The following HIF3A variants were observed in gnomAD, a reference collection of about 807,000 sequenced individuals.
The protein encoded by HIF3A is hypoxia-inducible factor 3-alpha.
A neutral mutation model predicts 67.2 loss-of-function variants in HIF3A; 41 were observed. That is an observed-to-expected ratio of 0.61 (90% CI 0.48 to 0.79). The LOEUF (loss-of-function observed/expected upper bound fraction) is 0.79, where lower values mean the gene tolerates loss of function less well. Among genes scored for constraint, HIF3A ranks in the 30% least tolerant of loss-of-function variants. The probability of loss-of-function intolerance (pLI) is 0.00; values close to 1 mark genes in which losing one functional copy is unlikely to be tolerated. For missense variants in HIF3A, 855 were observed against 898.0 expected, an observed-to-expected ratio of 0.95 and a Z score of 0.61; for synonymous variants, 356 against 374.8, an observed-to-expected ratio of 0.95 and a Z score of 0.58.
chr19:46,323,651 G>A (rs1171064872), intron 10 of HIF3A, among the ~76,000 whole-genome samples: 1 of 152,234 alleles, frequency 6.6e-6, no homozygotes, highest in East Asian at 1.9e-4. Context: ...TCACGCTGCT[G>A]CTAAAGACAT....
chr19:46,321,764 T>C lies in HIF3A; in HGVS notation c.1145-12T>C. ...CCAGCCCGTGTCCTCCCCATCTCCA[T>C]GTGTCCTGCAGACACCCCTGGCCCC... is the stretch of plus-strand genomic sequence containing the variant. On this transcript the variant is annotated splice_polypyrimidine_tract_variant and intron_variant, in intron 9 of 14. Coordinates refer to ENST00000377670, the MANE Select transcript of HIF3A (RefSeq NM_152795.4). 6.2e-7 allele frequency: 1 copy of C among 1,610,778 alleles called. No homozygotes were observed. The highest frequency in any genetic ancestry group is 8.5e-7 in the Non-Finnish European group (1 of 1,178,244).
chr19:46,320,484 C>T lies in HIF3A; in HGVS notation c.1067C>T (p.Thr356Met), dbSNP rs569551991. 39 of 1,614,128 alleles carry T rather than the reference C, an allele frequency of 2.4e-5. No individual in the cohort carries two copies. Among genetic ancestry groups the T allele is most frequent in the South Asian group, 9.9e-5 (9 of 91,082 alleles). ...GGAGTGGTGCTGTCCCTGGAGCAAACGGAGCAACACTCTCGCAGACCCATT... is the reference window on the plus strand; with the variant it reads ...GGAGTGGTGCTGTCCCTGGAGCAAATGGAGCAACACTCTCGCAGACCCATT... ...ETGVVLSLEQ[T>M]EQHSRRPIQR... Residue 356 changes from threonine (T) to methionine (M), a missense_variant, in exon 9 of 15, where the codon ACG becomes ATG. Around this residue, in one of 3 missense-constraint regions of HIF3A, gnomAD observed 638 missense variants for 660.5 expected, o/e 0.97. Transcript: ENST00000377670.
intron 10 of HIF3A, among the ~76,000 whole-genome samples, chr19:46,322,896 C>T (rs952162088): frequency 1.3e-5 from 2 of 152,244 alleles, no homozygotes; most frequent in South Asian, 2.1e-4. Flanking sequence ...GCTTCCATGC[C>T]GTCCCGGGCA....
At chr19:46,332,495 G>A (rs1017915623) in intron 13 of HIF3A, among the ~76,000 whole-genome samples, 9 of 152,148 alleles carry the variant, frequency 5.9e-5, no homozygotes, top group Admixed American at 1.3e-4. Flanking sequence ...AGCCATGATC[G>A]TGCCACTGCA....
At position 46,320,193 on chromosome 19, in the gene HIF3A, G is replaced by A. The variant is rs555408432; in HGVS notation, c.1026-250G>A. On this transcript the variant is annotated intron_variant, in intron 8 of 14. Coordinates refer to ENST00000377670, the MANE Select transcript of HIF3A (RefSeq NM_152795.4). ...TGCAGTGAGCCGAGATCGCGCCACT[G>A]CACTCCAGCCTGGGCGACAGAGTGA... 1.5e-4 allele frequency: 55 copies of A among 375,356 alleles called. 2 individuals carry two copies. The East Asian group carries it at 3.2e-3, about 22-fold the overall frequency. 23.3% of individuals were successfully genotyped at this position (375,356 alleles called of 1,614,324 possible).
rs763822130 is a variant in HIF3A, at chr19:46,312,173, G to A, written c.783G>A (p.Val261=). The change falls in exon 7 of 15, where the codon GTG becomes GTA. Residue 261 remains valine (V), a synonymous_variant. Coordinates refer to ENST00000377670, the MANE Select transcript of HIF3A (RefSeq NM_152795.4). Reference sequence around the variant, plus strand: ...GCCCCACCCCCAGGATTGCAGAAGTGGCTGGCTATAGTCCCGATGACCTGA... The same window carrying A: ...GCCCCACCCCCAGGATTGCAGAAGTAGCTGGCTATAGTCCCGATGACCTGA... ...FTYCDDRIAE[V]AGYSPDDLIG... is the part of the protein sequence containing the mutation. The A allele has an allele frequency of 1.2e-6, 2 of 1,614,024 alleles. No homozygotes were observed. The highest frequency in any genetic ancestry group is 2.2e-5 in the East Asian group (1 of 44,866).
chr19:46,309,681 TTCTGTC>T (rs1280626448), intron 6 of HIF3A, among the ~76,000 whole-genome samples: 8 of 152,138 alleles, frequency 5.3e-5, no homozygotes, highest in African/African-American at 1.9e-4. Context: ...TTCATTCTCT[TTCTGTC>T]TCTGAGTCTT....
chr19:46,309,151 G>T lies in HIF3A; in HGVS notation c.562G>T (p.Val188Leu), dbSNP rs770178353. The change falls in exon 6 of 15, where the codon GTG (valine) becomes TTG (leucine). Residue 188 changes from valine (V) to leucine (L), a missense_variant and splice_region_variant. Transcript: ENST00000377670. ...CTTGTCCCCTCATCTCGGCCCCCAGGTGCTGAACTGCTCTGGACATATGAG... is the reference window on the plus strand; with the variant it reads ...CTTGTCCCCTCATCTCGGCCCCCAGTTGCTGAACTGCTCTGGACATATGAG... ...TLNLKAATWK[V>L]LNCSGHMRAY... 4.3e-6 allele frequency: 7 copies of T among 1,613,020 alleles called. No individual in the cohort carries two copies. In the East Asian group the frequency reaches 1.6e-4, roughly 36 times the overall value.
intron 14 of HIF3A, among the ~76,000 whole-genome samples, chr19:46,337,149 G>T (rs546028159): frequency 6.6e-6 from 1 of 152,232 alleles, no homozygotes; most frequent in South Asian, 2.1e-4. Context: ...TGATAGCTGA[G>T]CAAAGACCTG....
At chr19:46,331,795 C>T (rs1971247089) in intron 13 of HIF3A, among the ~76,000 whole-genome samples, 1 of 140,028 alleles carries the variant, frequency 7.1e-6, no homozygotes, top group Non-Finnish European at 1.5e-5. Context: ...CAGAAGATTG[C>T]AGTGAGCTGA....
intron 13 of HIF3A, among the ~76,000 whole-genome samples, chr19:46,332,879 G>T (rs1278283919): frequency 6.6e-6 from 1 of 151,906 alleles, no homozygotes; most frequent in Non-Finnish European, 1.5e-5. Context: ...CTACTCGGAA[G>T]GCTAAGGCAC....
Position 46,308,496 on chromosome 19 carries a change from C to T in HIF3A, c.449-167C>T. The T allele has an allele frequency of 3.2e-6, 2 of 633,286 alleles. 1 individual carries two copies. Among genetic ancestry groups the T allele is most frequent in the South Asian group, 3.9e-5 (2 of 51,394 alleles). The allele number at this position is 633,286 out of a possible 1,614,324, so 39.2% of individuals were successfully genotyped here. ...GGGGGTCTGAGGGGACACAGCCCTGCCCTGGGGGGTCCAAGGGGACACATA... is the reference window on the plus strand; with the variant it reads ...GGGGGTCTGAGGGGACACAGCCCTGTCCTGGGGGGTCCAAGGGGACACATA... On this transcript the variant is annotated intron_variant, in intron 4 of 14. Coordinates refer to ENST00000377670, the MANE Select transcript of HIF3A (RefSeq NM_152795.4).
chr19:46,329,070 C>T, intron 11 of HIF3A, 137 bp from the exon 12 acceptor site: 1 of 778,614 alleles, frequency 1.3e-6, no homozygotes, highest in South Asian at 1.9e-5. Flanking sequence ...GTCCTTATAC[C>T]CATTTTACAG....
At chr19:46,335,178 G>T (rs1223214115) in intron 14 of HIF3A, among the ~76,000 whole-genome samples, 192 bp downstream of exon 14, 1 of 152,098 alleles carries the variant, frequency 6.6e-6, no homozygotes, top group African/African-American at 2.4e-5. Context: ...GGAGGCAGGG[G>T]CTCTCCAAGG....
intron 13 of HIF3A, among the ~76,000 whole-genome samples, chr19:46,334,290 C>T (rs924049323): frequency 1.2e-4 from 19 of 152,008 alleles, no homozygotes; most frequent in African/African-American, 4.6e-4. Context: ...TGGAGTTTCA[C>T]CATGTTGGCC....
Position 46,339,437 on chromosome 19 carries a change from A to C in HIF3A, c.1913-88A>C, listed in dbSNP as rs940064177. ...GTTCAATTTCCTTAAGATTTTAAAC[A>C]TTATTCCTGACATTGGGGTTATGGT... On this transcript the variant is annotated intron_variant, in intron 14 of 14. Transcript: ENST00000377670. The C allele has an allele frequency of 1.0e-5, 9 of 873,442 alleles. No homozygotes were observed. The Admixed American group carries it at 2.5e-4, about 24-fold the overall frequency. 54.1% of individuals were successfully genotyped at this position (873,442 alleles called of 1,614,324 possible). A position where few individuals can be genotyped will look rare whatever the true frequency, so the allele number is the denominator to read the frequency against.
rs772878549 is a variant in HIF3A, at chr19:46,321,985, G to C, written c.1335+19G>C. Reference sequence around the variant, plus strand: ...TCTTTCGGTAAGCCATCCCACCCATGTGAGCCCTCAGCATCCAGTGCTCAG... The same window carrying C: ...TCTTTCGGTAAGCCATCCCACCCATCTGAGCCCTCAGCATCCAGTGCTCAG... On this transcript the variant is annotated intron_variant, in intron 10 of 14. Coordinates refer to ENST00000377670, the MANE Select transcript of HIF3A (RefSeq NM_152795.4). The C allele has an allele frequency of 1.6e-5, 26 of 1,611,828 alleles. No homozygotes were observed. In the South Asian group the frequency reaches 2.8e-4, roughly 17 times the overall value.
chr19:46,320,574 G>T lies in HIF3A; in HGVS notation c.1144+13G>T. ...GGGGACAGCCTTGGTATGGGGCAGG[G>T]CTGGGGCCGGGAGGGGTTGTGTCCC... On this transcript the variant is annotated intron_variant, in intron 9 of 14. Transcript: ENST00000377670. The T allele has an allele frequency of 6.2e-7, 1 of 1,601,352 alleles. No homozygotes were observed. The highest frequency in any genetic ancestry group is 1.3e-5 in the African/African-American group (1 of 74,774).
intron 9 of HIF3A, 97 bp downstream of exon 9, chr19:46,320,658 CTG>C: frequency 1.2e-6 from 1 of 801,236 alleles, no homozygotes; most frequent in South Asian, 1.6e-5. Flanking sequence ...CCTGTGGGAC[CTG>C]CCTCCTGCCT....
Sources: gnomAD v4.1 joint callset for allele counts (sites outside exome capture counted in the v4.1 genomes callset) on GRCh38, gnomAD v4.1.1 for gene constraint, gnomAD v4.1.1 regional missense constraint, MANE v1.5 for transcripts, NCBI Gene and HGNC (gene_info 2026-07-23, HGNC 2026-07-21) for gene names.